Variants in WWOX observed in about 807,000 individuals in gnomAD.
The protein encoded by WWOX is WW domain containing oxidoreductase, also known as WW domain-containing oxidoreductase.
A neutral mutation model predicts 46.2 loss-of-function variants in WWOX; 69 were observed. The ratio of observed to expected loss-of-function variants is 1.49; its 90% confidence interval spans 1.23 to 1.82. The LOEUF (loss-of-function observed/expected upper bound fraction) is 1.82. Among genes scored for constraint, WWOX ranks in the 40% most tolerant of loss-of-function variants. The pLI, the probability that WWOX is intolerant of heterozygous loss-of-function variation, is 0.00. For missense variants in WWOX, 919 were observed against 542.6 expected (o/e 1.69, Z -6.89); for synonymous variants, 359 against 202.6 (o/e 1.77, Z -6.56).
chr16:79,185,600 G>A (rs2050997501), intron 8 of WWOX, among the ~76,000 whole-genome samples: 1 of 152,192 alleles, frequency 6.6e-6, no homozygotes, highest in African/African-American at 2.4e-5. Context: ...AGGCGCGTCT[G>A]TCTTTCACGG....
chr16:78,455,832 TTGA>T (rs1478555902), intron 8 of WWOX, among the ~76,000 whole-genome samples: 1 of 151,388 alleles, frequency 6.6e-6, no homozygotes, highest in Non-Finnish European at 1.5e-5. Flanking sequence ...CATGTTAAAG[TTGA>T]TGATGACGGA....
chr16:78,264,296 G>A (rs1417720406), intron 5 of WWOX, among the ~76,000 whole-genome samples: 2 of 152,020 alleles, frequency 1.3e-5, no homozygotes, highest in Non-Finnish European at 2.9e-5. Context: ...GAGTTAAGAG[G>A]TTTTATTCTT....
chr16:78,288,559 C>G (rs1193343956), intron 5 of WWOX, among the ~76,000 whole-genome samples: 1 of 152,140 alleles, frequency 6.6e-6, no homozygotes, highest in East Asian at 1.9e-4. Context: ...TTTCCTTAGT[C>G]CTGTGTGCTT....
chr16:78,335,586 C>G (rs1394584250), intron 5 of WWOX, among the ~76,000 whole-genome samples: 36 of 152,092 alleles, frequency 2.4e-4, no homozygotes, highest in Admixed American at 2.3e-3. Flanking sequence ...ACCCAGCAAT[C>G]CCATTACTGG....
intron 8 of WWOX, among the ~76,000 whole-genome samples, chr16:79,036,398 C>A (rs949145231): frequency 2.0e-5 from 3 of 152,206 alleles, no homozygotes; most frequent in African/African-American, 7.2e-5. Flanking sequence ...CCATTCTTGC[C>A]TCATAGAATT....
chr16:78,993,508 G>A (rs912661965), intron 8 of WWOX, among the ~76,000 whole-genome samples: 1 of 152,154 alleles, frequency 6.6e-6, no homozygotes, highest in Non-Finnish European at 1.5e-5. Context: ...TAATCAGCAC[G>A]CAGGAGCCTC....
intron 8 of WWOX, among the ~76,000 whole-genome samples, chr16:79,207,582 AATAT>A (rs1299652341): frequency 1.3e-5 from 2 of 152,232 alleles, no homozygotes; most frequent in Non-Finnish European, 2.9e-5. Context: ...ACAATCATTG[AATAT>A]ATAGATATGC....
intron 8 of WWOX, among the ~76,000 whole-genome samples, chr16:78,701,530 A>C (rs2048217529): frequency 6.7e-6 from 1 of 150,164 alleles, no homozygotes; most frequent in African/African-American, 2.5e-5. Flanking sequence ...ACCTGTCTCT[A>C]CTCCCTCTCC....
chr16:78,409,503 A>G (rs943437943), intron 6 of WWOX, among the ~76,000 whole-genome samples: 5 of 152,194 alleles, frequency 3.3e-5, no homozygotes, highest in Admixed American at 2.6e-4. Flanking sequence ...TTCCCATAGC[A>G]TAATGCATGC....
chr16:78,736,596 T>A (rs973767573), intron 8 of WWOX, among the ~76,000 whole-genome samples: 4 of 151,992 alleles, frequency 2.6e-5, no homozygotes, highest in Admixed American at 2.6e-4. Flanking sequence ...TTTTGTTGTT[T>A]TATTTTGTTT....
At chr16:79,098,180 T>G (rs1487359953) in intron 8 of WWOX, among the ~76,000 whole-genome samples, 1 of 152,198 alleles carries the variant, frequency 6.6e-6, no homozygotes, top group Admixed American at 6.5e-5. Context: ...AACACACAGA[T>G]GCCTGGGCCT....
chr16:78,560,199 A>T (rs757890084), intron 8 of WWOX, among the ~76,000 whole-genome samples: 3 of 152,210 alleles, frequency 2.0e-5, no homozygotes, highest in Non-Finnish European at 4.4e-5. Flanking sequence ...GTACTACTGA[A>T]ACAGGTACCT....
At chr16:78,686,659 T>G (rs776710537) in intron 8 of WWOX, among the ~76,000 whole-genome samples, 1 of 152,168 alleles carries the variant, frequency 6.6e-6, no homozygotes, top group African/African-American at 2.4e-5. Context: ...AGTCCTCCAG[T>G]TTGAGAACCA....
At chr16:79,199,032 T>C (rs138194370) in intron 8 of WWOX, among the ~76,000 whole-genome samples, 1 of 152,194 alleles carries the variant, frequency 6.6e-6, no homozygotes, top group South Asian at 2.1e-4. Context: ...CAGAAAACTT[T>C]GCCTCTTTGG....
chr16:79,131,167 C>G (rs2150695767), intron 8 of WWOX, among the ~76,000 whole-genome samples: 1 of 152,278 alleles, frequency 6.6e-6, no homozygotes, highest in Admixed American at 6.5e-5. Flanking sequence ...GGGATGAGCT[C>G]TCCTCTGCAT....
At chr16:78,976,595 G>A (rs1299492195) in intron 8 of WWOX, among the ~76,000 whole-genome samples, 1 of 152,160 alleles carries the variant, frequency 6.6e-6, no homozygotes, top group Non-Finnish European at 1.5e-5. Flanking sequence ...CGAAAAGCAT[G>A]GCGTTGCGTT....
chr16:78,514,584 A>G (rs1488269010), intron 8 of WWOX, among the ~76,000 whole-genome samples: 2 of 152,144 alleles, frequency 1.3e-5, no homozygotes, highest in Non-Finnish European at 2.9e-5. Context: ...TCCTTGACCG[A>G]TAAGTGTACC....
At chr16:78,950,187 A>G (rs1269546026) in intron 8 of WWOX, among the ~76,000 whole-genome samples, 1 of 152,192 alleles carries the variant, frequency 6.6e-6, no homozygotes, top group East Asian at 1.9e-4. Flanking sequence ...TGTAGATTCC[A>G]TGTCTAATCC....
chr16:78,479,229 C>T (rs578199035), intron 8 of WWOX, among the ~76,000 whole-genome samples: 65 of 152,252 alleles, frequency 4.3e-4, no homozygotes, highest in African/African-American at 1.5e-3. Flanking sequence ...GTATTGAATA[C>T]CTACTATGTG....
Sources: allele counts gnomAD v4.1 joint callset (sites outside exome capture counted in the v4.1 genomes callset), GRCh38; gene constraint gnomAD v4.1.1; transcripts MANE v1.5; gene names NCBI Gene and HGNC (gene_info 2026-07-23, HGNC 2026-07-21).